The following CACNA1E variants were observed in gnomAD, a reference collection of about 807,000 sequenced individuals.
The protein encoded by CACNA1E is voltage-dependent R-type calcium channel subunit alpha-1E.
In CACNA1E, 40 loss-of-function variants were observed where a neutral mutation model predicts 259.2. The observed-to-expected ratio is 0.15, with a 90% CI of 0.12 to 0.20. CACNA1E has a LOEUF of 0.20. Ranked by LOEUF, CACNA1E falls within the 10% of genes least tolerant of loss-of-function variation. The probability of loss-of-function intolerance (pLI) is 1.00; values close to 1 mark genes in which losing one functional copy is unlikely to be tolerated. For missense variants in CACNA1E, 1,874 were observed against 3,040.1 expected, an observed-to-expected ratio of 0.62 and a Z score of 9.02; for synonymous variants, 1,104 against 1,138.5, an observed-to-expected ratio of 0.97 and a Z score of 0.61.
At chr1:181,426,764 T>TC (rs1659281962) in intron 2 of CACNA1E, among the ~76,000 whole-genome samples, 1 of 55,208 alleles carries the variant, frequency 1.8e-5, no homozygotes, top group Admixed American at 2.2e-4. Flanking sequence ...TCAACCCCTG[T>TC]CAATCTCAAC....
At chr1:181,516,424 T>G (rs1666592337) in intron 3 of CACNA1E, among the ~76,000 whole-genome samples, 1 of 151,212 alleles carries the variant, frequency 6.6e-6, no homozygotes, top group Admixed American at 6.6e-5. Flanking sequence ...TTGAGAATCA[T>G]TAGGCTTGAC....
intron 3 of CACNA1E, among the ~76,000 whole-genome samples, chr1:181,575,839 T>C (rs1354629265): frequency 3.9e-5 from 6 of 152,206 alleles, no homozygotes; most frequent in African/African-American, 1.4e-4. Context: ...AGCCAAACAA[T>C]GATTCCTTCT....
intron 1 of CACNA1E, among the ~76,000 whole-genome samples, chr1:181,400,433 A>C (rs1199711266): frequency 2.6e-5 from 4 of 152,138 alleles, no homozygotes; most frequent in Non-Finnish European, 5.9e-5. Context: ...GGGAGGCTGC[A>C]GACTGGCCGT....
intron 2 of CACNA1E, among the ~76,000 whole-genome samples, chr1:181,450,477 G>A (rs995094917): frequency 6.6e-6 from 1 of 151,916 alleles, no homozygotes; most frequent in South Asian, 2.1e-4. Context: ...TGTAGAAGGG[G>A]TTCAAGAAGA....
At chr1:181,498,888 T>A (rs1405499299) in intron 1 of CACNA1E, among the ~76,000 whole-genome samples, 1 of 152,162 alleles carries the variant, frequency 6.6e-6, no homozygotes, top group African/African-American at 2.4e-5. Context: ...GTATATGTTT[T>A]TGGTGTTTGG....
At chr1:181,598,867 A>G (rs879634125) in intron 6 of CACNA1E, among the ~76,000 whole-genome samples, 9 of 150,346 alleles carry the variant, frequency 6.0e-5, no homozygotes, top group Non-Finnish European at 1.3e-4. Context: ...TGTTCCCTTC[A>G]CCATGACTGC....
intron 25 of CACNA1E, among the ~76,000 whole-genome samples, chr1:181,743,336 T>G (rs1268266807): frequency 6.6e-6 from 1 of 152,236 alleles, no homozygotes; most frequent in Non-Finnish European, 1.5e-5. Flanking sequence ...TTTGTGTGAT[T>G]TCATGTGAAA....
chr1:181,700,377 C>T (rs1173382635), intron 7 of CACNA1E, among the ~76,000 whole-genome samples: 1 of 152,136 alleles, frequency 6.6e-6, no homozygotes, highest in Non-Finnish European at 1.5e-5. Flanking sequence ...CCTGTTGTTC[C>T]CAAATCTGAA....
intron 34 of CACNA1E, among the ~76,000 whole-genome samples, chr1:181,765,729 C>A (rs1281896260): frequency 6.6e-6 from 1 of 152,160 alleles, no homozygotes; most frequent in Admixed American, 6.5e-5. Flanking sequence ...AGAAGAGGGA[C>A]TTCTCTGGCA....
chr1:181,417,073 G>A lies in CACNA1E; in HGVS notation c.434+3493G>A, dbSNP rs141130137. Among the ~76,000 whole-genome samples, 825 of 152,016 alleles carry A rather than the reference G, an allele frequency of 5.4e-3. 7 individuals are homozygous for A. Among genetic ancestry groups the A allele is most frequent in the Middle Eastern group, 0.017 (5 of 294 alleles). ...CGTAACTGCATTACTCCATAATCTC[G>A]GTTTCAAGCATCCCACTGTGTGATC... On this transcript the variant is annotated intron_variant, in intron 2 of 11. Transcript: ENST00000524607.
Position 181,736,360 on chromosome 1 carries a change from G to T in CACNA1E, c.3348G>T (p.Gln1116His). 1 of 1,611,032 alleles carries T rather than the reference G, an allele frequency of 6.2e-7. No homozygotes were observed. Among genetic ancestry groups the T allele is most frequent in the Non-Finnish European group, 8.5e-7 (1 of 1,178,506 alleles). ...EDEEEVEKKK[Q>H]KKEKRETGKA... ...AGGAGGAGGTGGAGAAGAAGAAGCA[G>T]AAGAAGGAGAAGCGTGAGACAGGCA... Residue 1116 changes from glutamine (Q) to histidine (H), a missense_variant, in exon 22 of 48, where the codon CAG (glutamine) becomes CAT (histidine). By Grantham distance (24) the Gln-to-His change is conservative (BLOSUM62 0). This residue lies in a region of CACNA1E where 56 missense variants were observed against 97.4 expected (regional missense o/e 0.57). Transcript: ENST00000367573.
chr1:181,650,500 G>A (rs1407075359), intron 6 of CACNA1E, among the ~76,000 whole-genome samples: 1 of 152,206 alleles, frequency 6.6e-6, no homozygotes, highest in East Asian at 1.9e-4. Context: ...GGGAGGAAGA[G>A]TCAAAGGGAA....
chr1:181,742,458 C>G (rs1656670145), intron 25 of CACNA1E, among the ~76,000 whole-genome samples: 1 of 152,216 alleles, frequency 6.6e-6, no homozygotes, highest in Non-Finnish European at 1.5e-5. Flanking sequence ...TAACCTTATT[C>G]CTGTCCCAGT....
At chr1:181,752,470 GTCT>G (rs1657680427) in intron 27 of CACNA1E, among the ~76,000 whole-genome samples, 1 of 152,220 alleles carries the variant, frequency 6.6e-6, no homozygotes, top group South Asian at 2.1e-4. Context: ...CCCAGATGGT[GTCT>G]TCTCTCCGGT....
chr1:181,588,475 A>G (rs1037381749), intron 6 of CACNA1E, among the ~76,000 whole-genome samples: 1 of 151,982 alleles, frequency 6.6e-6, no homozygotes, highest in African/African-American at 2.4e-5. Flanking sequence ...TTTCTTTCTC[A>G]CACTTAACTA....
chr1:181,761,211 T>C (rs866531898), intron 32 of CACNA1E, among the ~76,000 whole-genome samples: 17 of 152,354 alleles, frequency 1.1e-4, no homozygotes, highest in Middle Eastern at 3.4e-3. Context: ...CTTTGTTGTA[T>C]GTATCCAATT....
intron 15 of CACNA1E, 41 bp from the exon 16 acceptor site, chr1:181,721,717 C>T (rs1248124475): frequency 1.5e-6 from 2 of 1,354,368 alleles, no homozygotes; most frequent in East Asian, 2.3e-5. Context: ...TTTTCTCCTC[C>T]AGCCCAGGTT....
intron 16 of CACNA1E, among the ~76,000 whole-genome samples, chr1:181,723,479 G>GT (rs942914996): frequency 2.6e-5 from 4 of 152,140 alleles, no homozygotes; most frequent in Non-Finnish European, 4.4e-5. Flanking sequence ...AAATGCGTGG[G>GT]TTTTTTTACT....
intron 1 of CACNA1E, among the ~76,000 whole-genome samples, chr1:181,356,595 C>G (rs1653456216): frequency 6.6e-6 from 1 of 152,240 alleles, no homozygotes; most frequent in South Asian, 2.1e-4. Flanking sequence ...CACAGCCTGC[C>G]AGCAGGCCTT....
Sources: allele counts gnomAD v4.1 joint callset (sites outside exome capture counted in the v4.1 genomes callset), GRCh38; gene constraint gnomAD v4.1.1; regional missense constraint gnomAD v4.1.1; transcripts MANE v1.5; gene names NCBI Gene and HGNC (gene_info 2026-07-23, HGNC 2026-07-21).